Variants in CCN4 observed in about 807,000 individuals in gnomAD.
The protein encoded by CCN4 is CCN family member 4.
Under a neutral mutation model 36.7 loss-of-function variants are expected in CCN4, and 30 were observed. The observed-to-expected ratio is 0.82, with a 90% CI of 0.61 to 1.11. The LOEUF is 1.11. Ranked by LOEUF, CCN4 falls within the 50% of genes least tolerant of loss-of-function variation. The pLI, the probability that CCN4 is intolerant of heterozygous loss-of-function variation, is 0.00. For missense variants in CCN4, 505 were observed against 504.9 expected (o/e 1.00, Z 0.00); for synonymous variants, 191 against 195.4 (o/e 0.98, Z 0.19).
chr8:133,226,428 A>C (rs1278932244), intron 4 of CCN4, among the ~76,000 whole-genome samples: 2 of 152,070 alleles, frequency 1.3e-5, no homozygotes, highest in Non-Finnish European at 2.9e-5. Flanking sequence ...CTATATATTG[A>C]TCAACTGGAT....
At position 133,218,425 on chromosome 8, in the gene CCN4, G is replaced by C. The variant is rs1056393614; in HGVS notation, c.350-2156G>C. On this transcript the variant is annotated intron_variant, in intron 2 of 4. Coordinates refer to ENST00000250160, the MANE Select transcript of CCN4 (RefSeq NM_003882.4). Reference sequence around the variant, plus strand: ...CCGCTGTGGTCACCTTGGACGCTATGTGTCTTCACCTTGCTGAGACTTTGT... The same window carrying C: ...CCGCTGTGGTCACCTTGGACGCTATCTGTCTTCACCTTGCTGAGACTTTGT... Among the ~76,000 whole-genome samples, 4 of 152,212 alleles carry C rather than the reference G, an allele frequency of 2.6e-5. No individual in the cohort carries two copies. The East Asian group carries it at 7.7e-4, about 29-fold the overall frequency.
intron 2 of CCN4, among the ~76,000 whole-genome samples, chr8:133,213,940 CTATA>C (rs1251158235): frequency 7.1e-6 from 1 of 140,390 alleles, no homozygotes; most frequent in African/African-American, 2.6e-5. Flanking sequence ...TATATATACA[CTATA>C]TATAGTAGTT....
At chr8:133,198,992 C>A (rs1379446730) in intron 1 of CCN4, among the ~76,000 whole-genome samples, 1 of 152,342 alleles carries the variant, frequency 6.6e-6, no homozygotes, top group African/African-American at 2.4e-5. Context: ...AAAGCAAGAA[C>A]CAGACCTGGC....
chr8:133,198,769 G>A (rs1178018303), intron 1 of CCN4, among the ~76,000 whole-genome samples: 1 of 152,156 alleles, frequency 6.6e-6, no homozygotes, highest in Non-Finnish European at 1.5e-5. Flanking sequence ...GCCTTGCCCT[G>A]TGTTTGAGCC....
At chr8:133,191,302 AG>A in intron 1 of CCN4, 89 bp downstream of exon 1, 1 of 1,424,218 alleles carries the variant, frequency 7.0e-7, no homozygotes, top group Non-Finnish European at 9.4e-7. Context: ...CAGGATGAAA[AG>A]GGCCAGGAAG....
chr8:133,222,946 C>A (rs778617305), intron 3 of CCN4, among the ~76,000 whole-genome samples: 3 of 151,980 alleles, frequency 2.0e-5, no homozygotes, highest in Non-Finnish European at 4.4e-5. Flanking sequence ...TAGTAGCAAT[C>A]TAATGCATGA....
intron 2 of CCN4, among the ~76,000 whole-genome samples, chr8:133,218,500 GAATAA>G (rs1413683865): frequency 1.3e-5 from 2 of 152,190 alleles, no homozygotes; most frequent in African/African-American, 4.8e-5. Context: ...TTTCTGTACA[GAATAA>G]AATAAGTAAT....
At chr8:133,221,120 T>C (rs1380724842) in intron 3 of CCN4, among the ~76,000 whole-genome samples, 1 of 152,196 alleles carries the variant, frequency 6.6e-6, no homozygotes, top group Non-Finnish European at 1.5e-5. Flanking sequence ...ATTATCCTAC[T>C]AAAGAGTTAG....
In CCN4 at chr8:133,227,083, G is replaced by A. The variant is rs1003695145; in HGVS notation, c.805-328G>A. ...AGCCAGGGGAACTTGCTTGGATGAA[G>A]GAGCTACATAGGCTCCCCATGTTGG... On this transcript the variant is annotated intron_variant, in intron 4 of 4. Coordinates refer to ENST00000250160, the MANE Select transcript of CCN4 (RefSeq NM_003882.4). Among the ~76,000 whole-genome samples the A allele has an allele frequency of 2.0e-5, 3 of 152,198 alleles. No individual in the cohort carries two copies. In the East Asian group the frequency reaches 5.8e-4, roughly 29 times the overall value.
chr8:133,227,366 C>G (rs148267109), intron 4 of CCN4, 45 bp from the exon 5 acceptor site: 2 of 1,554,606 alleles, frequency 1.3e-6, no homozygotes, highest in East Asian at 4.5e-5. Context: ...GGTGGTTGTC[C>G]ATTCTCTGAG....
At chr8:133,202,382 G>A (rs769022560) in intron 1 of CCN4, among the ~76,000 whole-genome samples, 4 of 152,162 alleles carry the variant, frequency 2.6e-5, no homozygotes, top group Non-Finnish European at 4.4e-5. Context: ...GAGGCTGGAC[G>A]TTCTCAGAGG....
At chr8:133,208,700 A>C (rs1347157066) in intron 1 of CCN4, among the ~76,000 whole-genome samples, 1 of 151,780 alleles carries the variant, frequency 6.6e-6, no homozygotes, top group South Asian at 2.1e-4. Context: ...TTCCTCACTG[A>C]TCTATTCCCA....
rs559743846 is a variant in CCN4 at position 133,191,061 on chromosome 8, C to T, written c.-84C>T. 83 of 1,480,666 alleles carry T rather than the reference C, an allele frequency of 5.6e-5. No individual in the cohort carries two copies. The East Asian group carries it at 1.5e-3, about 27-fold the overall frequency. The allele number at this position is 1,480,666 out of a possible 1,614,324, so 91.7% of individuals were successfully genotyped here. ...GGCATATCTGGTGCTCCTGATGGGC[C>T]GGCCAGTCTGGGCCCAGCTCCCCCG... On this transcript the variant is annotated 5_prime_UTR_variant, in exon 1 of 5. Coordinates refer to ENST00000250160, the MANE Select transcript of CCN4 (RefSeq NM_003882.4).
intron 3 of CCN4, among the ~76,000 whole-genome samples, chr8:133,223,828 T>C (rs1854622080): frequency 6.6e-6 from 1 of 152,200 alleles, no homozygotes; most frequent in African/African-American, 2.4e-5. Context: ...GGCAGTTCTG[T>C]CTTAACAGCT....
At chr8:133,199,424 G>A (rs988350198) in intron 1 of CCN4, among the ~76,000 whole-genome samples, 1 of 152,162 alleles carries the variant, frequency 6.6e-6, no homozygotes, top group African/African-American at 2.4e-5. Context: ...TTTCTCATCT[G>A]TAAAATGGAT....
At chr8:133,212,109 G>T (rs189779285) in intron 1 of CCN4, among the ~76,000 whole-genome samples, 13 of 152,278 alleles carry the variant, frequency 8.5e-5, no homozygotes, top group Non-Finnish European at 1.5e-4. Flanking sequence ...GATGGGAATG[G>T]GGATGCTGGG....
chr8:133,223,745 C>T (rs1026585504), intron 3 of CCN4, among the ~76,000 whole-genome samples: 5 of 152,136 alleles, frequency 3.3e-5, no homozygotes, highest in Admixed American at 6.5e-5. Context: ...CCTGTTCCCT[C>T]CTCTCCTCAT....
Position 133,227,748 on chromosome 8 carries a change from G to A in CCN4, c.*38G>A, listed in dbSNP as rs761935634. The A allele has an allele frequency of 5.0e-6, 8 of 1,586,524 alleles. No individual in the cohort carries two copies. Among genetic ancestry groups the A allele is most frequent in the Admixed American group, 1.7e-5 (1 of 58,238 alleles). ...CTTGGGTCTTGGGGACTAACCCAAT[G>A]CCTGTGAAGCAGTCAGCCCTTATGG... On this transcript the variant is annotated 3_prime_UTR_variant, in exon 5 of 5. Transcript: ENST00000250160.
chr8:133,198,906 C>T lies in CCN4; in HGVS notation c.69+7693C>T, dbSNP rs116219869. Among the ~76,000 whole-genome samples the T allele has an allele frequency of 3.8e-3, 577 of 152,340 alleles. 2 individuals are homozygous for T. The highest frequency in any genetic ancestry group is 0.013 in the African/African-American group (550 of 41,562). ...CTACCAGGCTTGCCCATACATCTTC[C>T]CTGCTCTGTTGCTCTGTCACTGTCT... On this transcript the variant is annotated intron_variant, in intron 1 of 4. Transcript: ENST00000250160.
Sources: gnomAD v4.1 joint callset for allele counts (sites outside exome capture counted in the v4.1 genomes callset) on GRCh38, gnomAD v4.1.1 for gene constraint, MANE v1.5 for transcripts, NCBI Gene and HGNC (gene_info 2026-07-23, HGNC 2026-07-21) for gene names.